Variants in COLEC10 observed in about 807,000 individuals in gnomAD.
COLEC10 encodes collectin-10.
A neutral mutation model predicts 28.4 loss-of-function variants in COLEC10; 22 were observed. The observed-to-expected ratio is 0.78, with a 90% CI of 0.55 to 1.11. The LOEUF (loss-of-function observed/expected upper bound fraction) is 1.11, where lower values mean the gene tolerates loss of function less well. Ranked by LOEUF, COLEC10 falls within the 50% of genes least tolerant of loss-of-function variation. The probability of loss-of-function intolerance (pLI) is 0.00; values close to 1 mark genes in which losing one functional copy is unlikely to be tolerated. For synonymous variants in COLEC10, 125 were observed against 116.1 expected (o/e 1.08, Z -0.49); for missense variants, 361 against 344.1 (o/e 1.05, Z -0.39).
chr8:118,990,796 G>T (rs571822923), upstream of COLEC10, among the ~76,000 whole-genome samples: 1 of 152,122 alleles, frequency 6.6e-6, no homozygotes, highest in African/African-American at 2.4e-5. Flanking sequence ...AGCCACGTAT[G>T]ATTTATCTGT....
At chr8:119,090,984 A>C (rs1401381162) in intron 2 of COLEC10, among the ~76,000 whole-genome samples, 165 bp from the exon 3 acceptor site, 1 of 152,226 alleles carries the variant, frequency 6.6e-6, no homozygotes, top group Non-Finnish European at 1.5e-5. Flanking sequence ...TTTAATACAT[A>C]CATTATAAGT....
chr8:119,014,470 T>G (rs1813954055), intron 2 of COLEC10, among the ~76,000 whole-genome samples: 1 of 150,448 alleles, frequency 6.6e-6, no homozygotes, highest in Non-Finnish European at 1.5e-5. Context: ...TTTCTTTTTG[T>G]TTTTCTGGCT....
At chr8:119,100,153 T>C (rs755055880) in intron 3 of COLEC10, among the ~76,000 whole-genome samples, 2 of 152,178 alleles carry the variant, frequency 1.3e-5, no homozygotes, top group African/African-American at 4.8e-5. Flanking sequence ...TTCAAACACC[T>C]TGCTTTTTTT....
chr8:118,991,652 C>T (rs1349509580), upstream of COLEC10, among the ~76,000 whole-genome samples: 1 of 152,070 alleles, frequency 6.6e-6, no homozygotes, highest in East Asian at 1.9e-4. Context: ...TCCACTTGAA[C>T]ATAAACTCTG....
intron 2 of COLEC10, among the ~76,000 whole-genome samples, chr8:119,026,160 A>C (rs1446877681): frequency 6.6e-6 from 1 of 152,202 alleles, no homozygotes; most frequent in Non-Finnish European, 1.5e-5. Flanking sequence ...ATTAATACAA[A>C]AAGTAGGAGT....
chr8:119,087,234 T>C (rs1385656903), intron 1 of COLEC10, among the ~76,000 whole-genome samples: 1 of 152,164 alleles, frequency 6.6e-6, no homozygotes, highest in African/African-American at 2.4e-5. Context: ...CTGGAGATGC[T>C]AGAAAAAATC....
chr8:119,042,926 C>G (rs147215430), intron 2 of COLEC10, among the ~76,000 whole-genome samples: 56 of 152,134 alleles, frequency 3.7e-4, no homozygotes, highest in African/African-American at 1.3e-3. Context: ...AATGAAGAAG[C>G]AATCCTGCTT....
chr8:119,077,243 A>ATTTTTTTTTTTTTTTTTT (rs762180766), intron 1 of COLEC10, among the ~76,000 whole-genome samples: 2 of 90,292 alleles, frequency 2.2e-5, no homozygotes, highest in African/African-American at 4.2e-5. Flanking sequence ...GTAGAGAATG[A>ATTTTTTTTTTTTTTTTTT]TTTTTTTTTT....
At chr8:119,038,632 A>G (rs1019283807) in intron 2 of COLEC10, among the ~76,000 whole-genome samples, 2 of 152,266 alleles carry the variant, frequency 1.3e-5, no homozygotes, top group African/African-American at 2.4e-5. Context: ...AACTTGTTTT[A>G]GAAATGTATT....
the COLEC10 span, among the ~76,000 whole-genome samples, chr8:118,985,389 G>T: frequency 6.6e-6 from 1 of 152,182 alleles, no homozygotes; most frequent in South Asian, 2.1e-4. Flanking sequence ...GAAGGTCTGA[G>T]AAATTTCATA....
intron 2 of COLEC10, among the ~76,000 whole-genome samples, chr8:119,058,849 C>G (rs1363199844): frequency 6.6e-6 from 1 of 152,024 alleles, no homozygotes; most frequent in Non-Finnish European, 1.5e-5. Context: ...CAACTGTTTT[C>G]AAAAGTGACT....
chr8:119,084,097 A>G (rs975851473), intron 1 of COLEC10, among the ~76,000 whole-genome samples: 7 of 152,178 alleles, frequency 4.6e-5, no homozygotes, highest in Non-Finnish European at 5.9e-5. Context: ...CTTCCCCTAA[A>G]TTTCCATCAC....
chr8:119,050,004 T>C (rs1464670951), intron 2 of COLEC10, among the ~76,000 whole-genome samples: 1 of 152,184 alleles, frequency 6.6e-6, no homozygotes, highest in Non-Finnish European at 1.5e-5. Flanking sequence ...TGTTCTCATG[T>C]TCCAGGACAC....
intron 3 of COLEC10, among the ~76,000 whole-genome samples, chr8:119,097,419 A>G (rs571025556): frequency 3.3e-5 from 5 of 152,234 alleles, no homozygotes; most frequent in African/African-American, 9.6e-5. Context: ...ATACATAGCT[A>G]ATTATTATGA....
chr8:119,005,902 T>C (rs982684529), intron 1 of COLEC10, among the ~76,000 whole-genome samples: 3 of 152,092 alleles, frequency 2.0e-5, no homozygotes, highest in Non-Finnish European at 4.4e-5. Context: ...CATGGGGATC[T>C]CTTAATCACA....
the COLEC10 span, among the ~76,000 whole-genome samples, chr8:118,953,334 A>G: frequency 1.3e-5 from 2 of 152,226 alleles, no homozygotes; most frequent in African/African-American, 4.8e-5. Flanking sequence ...GACATCTGCA[A>G]CCTGAGATAT....
intron 2 of COLEC10, among the ~76,000 whole-genome samples, chr8:119,021,602 T>A (rs2130107807): frequency 6.6e-6 from 1 of 152,292 alleles, no homozygotes; most frequent in Non-Finnish European, 1.5e-5. Context: ...TAGAGTCCTA[T>A]GAACTTACTG....
At chr8:119,068,086 A>G (rs1206511123) in intron 1 of COLEC10, 1 of 152,158 alleles carries the variant, frequency 6.6e-6, no homozygotes, top group Non-Finnish European at 1.5e-5. Flanking sequence ...ATTTTAAAAA[A>G]TCTATTTTTC....
intron 2 of COLEC10, among the ~76,000 whole-genome samples, chr8:119,025,320 A>G (rs770417719): frequency 6.6e-6 from 1 of 152,190 alleles, no homozygotes; most frequent in African/African-American, 2.4e-5. Flanking sequence ...CTTAGCTGCT[A>G]TTGCCTCTAT....
Sources: gnomAD v4.1 joint callset for allele counts (sites outside exome capture counted in the v4.1 genomes callset) on GRCh38, gnomAD v4.1.1 for gene constraint, MANE v1.5 for transcripts, NCBI Gene and HGNC (gene_info 2026-07-23, HGNC 2026-07-21) for gene names.